The following CCDC110 variants were observed in gnomAD, a reference collection of about 807,000 sequenced individuals.
CCDC110 encodes the protein coiled-coil domain-containing protein 110.
A neutral mutation model predicts 77.1 loss-of-function variants in CCDC110; 70 were observed. The observed-to-expected ratio is 0.91, with a 90% CI of 0.75 to 1.11. The LOEUF is 1.11. Among genes scored for constraint, CCDC110 ranks in the 50% least tolerant of loss-of-function variants. CCDC110 has a pLI of 0.00. For synonymous variants in CCDC110, 295 were observed against 312.5 expected, an observed-to-expected ratio of 0.94 and a Z score of 0.59; for missense variants, 868 against 942.9, an observed-to-expected ratio of 0.92 and a Z score of 1.04.
chr4:185,457,914 C>T, intron 6 of CCDC110: 1 of 694,840 alleles, frequency 1.4e-6, no homozygotes, highest in Non-Finnish European at 2.2e-6. Context: ...TTGGTTTGTA[C>T]ACATACAATG....
chr4:185,470,162 G>A (rs915745231), intron 2 of CCDC110, among the ~76,000 whole-genome samples: 5 of 152,112 alleles, frequency 3.3e-5, no homozygotes, highest in African/African-American at 9.7e-5. Flanking sequence ...ATAATATCCT[G>A]TAGTCCGTAA....
At position 185,460,226 on chromosome 4, in the gene CCDC110, G is replaced by A. The variant is rs766780435; in HGVS notation, c.361C>T (p.Gln121Ter). 5 of 1,601,314 alleles carry A rather than the reference G, an allele frequency of 3.1e-6. No individual in the cohort carries two copies. The highest frequency in any genetic ancestry group is 4.2e-6 in the Non-Finnish European group (5 of 1,177,756). ...RIEKDLPTEN[Q>*]EENLSMEKSH... ...TTCTCCATAGAAAGGTTTTCTTCTTGATTCTCTGTAGGCTGTAACAATAAG... is the reference window on the plus strand; with the variant it reads ...TTCTCCATAGAAAGGTTTTCTTCTTAATTCTCTGTAGGCTGTAACAATAAG... Residue 121 changes from glutamine to a stop codon, truncating the protein, a stop_gained, in exon 6 of 7, where the codon CAA becomes TAA. Coordinates refer to ENST00000307588, the MANE Select transcript of CCDC110 (RefSeq NM_152775.4). LOFTEE classifies it high-confidence loss of function.
chr4:185,467,016 CT>C (rs939211815), intron 2 of CCDC110, among the ~76,000 whole-genome samples: 1 of 152,166 alleles, frequency 6.6e-6, no homozygotes, highest in Non-Finnish European at 1.5e-5. Context: ...AGTGCTTCTA[CT>C]TTTTTCATAT....
intron 5 of CCDC110, chr4:185,460,826 A>G (rs1361672829): frequency 2.2e-6 from 1 of 463,058 alleles, no homozygotes; most frequent in Non-Finnish European, 4.1e-6. Context: ...GATCTGGACT[A>G]AGTCAAATGT....
rs777658063 is a variant in CCDC110 at position 185,471,699 on chromosome 4, C to T, written c.-16G>A. The T allele has an allele frequency of 6.5e-7, 1 of 1,542,186 alleles. No homozygotes were observed. The highest frequency in any genetic ancestry group is 1.9e-5 in the Admixed American group (1 of 52,068). ...CCGGGCTCATCGCCGCGGCTCATCT[C>T]TCTCGCAACCGCCGCCGCACGCACC... On this transcript the variant is annotated 5_prime_UTR_variant, in exon 1 of 7. Coordinates refer to ENST00000307588, the MANE Select transcript of CCDC110 (RefSeq NM_152775.4).
In CCDC110 at chr4:185,460,165, G is replaced by A. The variant is rs776783801; in HGVS notation, c.422C>T (p.Ser141Leu). The change falls in exon 6 of 7, where the codon TCA becomes TTA. Residue 141 changes from serine (S) to leucine (L), a missense_variant. Transcript: ENST00000307588. ...ATCACCACTTAATTTTTCTTCCACT[G>A]AATGAAGTGTCTTGGAATCCTCAAA... ...HHFEDSKTLH[S>L]VEEKLSGDSV... The A allele has an allele frequency of 1.2e-6, 2 of 1,612,362 alleles. No individual in the cohort carries two copies. The highest frequency in any genetic ancestry group is 1.7e-6 in the Non-Finnish European group (2 of 1,179,816).
At position 185,458,350 on chromosome 4, in the gene CCDC110, A is replaced by G. The variant is rs1361658767; in HGVS notation, c.2237T>C (p.Leu746Ser). 1.9e-6 allele frequency: 3 copies of G among 1,586,598 alleles called. No homozygotes were observed. The highest frequency in any genetic ancestry group is 1.9e-5 in the Admixed American group (1 of 52,550). ...ISRLTEDKIL[L>S]ENYVRSIENE... Reference sequence around the variant, plus strand: ...TTCTATGCTTCTTACGTAATTTTCTAAAAGTATTTTGTCTTCAGTAAGTCT... The same window carrying G: ...TTCTATGCTTCTTACGTAATTTTCTGAAAGTATTTTGTCTTCAGTAAGTCT... Residue 746 changes from leucine (L) to serine (S), a missense_variant, in exon 6 of 7, where the codon TTA becomes TCA. Transcript: ENST00000307588.
intron 6 of CCDC110, among the ~76,000 whole-genome samples, chr4:185,457,505 CCTT>C (rs1412742085): frequency 6.6e-6 from 1 of 152,196 alleles, no homozygotes; most frequent in Admixed American, 6.5e-5. Flanking sequence ...AACAAACTCT[CCTT>C]AATCTCTCGC....
chr4:185,466,826 T>C (rs1244479553), intron 2 of CCDC110, among the ~76,000 whole-genome samples: 1 of 151,966 alleles, frequency 6.6e-6, no homozygotes, highest in Admixed American at 6.6e-5. Flanking sequence ...AGAAAAGCAA[T>C]AATTCCGGAC....
At chr4:185,460,988 C>T (rs759914534) in intron 5 of CCDC110, 61 bp downstream of exon 5, 7 of 304,550 alleles carry the variant, frequency 2.3e-5, no homozygotes, top group Non-Finnish European at 4.6e-5. Flanking sequence ...GTGAAATGAA[C>T]TGATGGTAGT....
chr4:185,445,675 A>G, intron 6 of CCDC110, 133 bp from the exon 7 acceptor site: 1 of 570,214 alleles, frequency 1.8e-6, no homozygotes, highest in Non-Finnish European at 3.0e-6. Context: ...AAACTGAAAA[A>G]GTTCTTTGGA....
intron 3 of CCDC110, 64 bp from the exon 4 acceptor site, chr4:185,462,772 T>TA (rs2095648747): frequency 1.0e-5 from 14 of 1,374,866 alleles, no homozygotes; most frequent in Non-Finnish European, 1.5e-5. Context: ...CTTGAATTGT[T>TA]ATGATTTTAT....
chr4:185,458,179 G>GTA lies in CCDC110; in HGVS notation c.2406_2407dup (p.Thr803IlefsTer18). The GTA allele has an allele frequency of 6.2e-7, 1 of 1,603,694 alleles. No individual in the cohort carries two copies. Among genetic ancestry groups the GTA allele is most frequent in the Non-Finnish European group, 8.5e-7 (1 of 1,177,148 alleles). On this transcript the variant is annotated frameshift_variant, in exon 6 of 7. Transcript: ENST00000307588. LOFTEE classifies it high-confidence loss of function. Reference sequence around the variant, plus strand: ...CTGAGGACTAGAAGTATCTTCGTGAGTATAGTTGTCAAAATGGAATTTCTC... The same window carrying GTA: ...CTGAGGACTAGAAGTATCTTCGTGAGTATATAGTTGTCAAAATGGAATTTCTC...
Sources: gnomAD v4.1 joint callset for allele counts (sites outside exome capture counted in the v4.1 genomes callset) on GRCh38, gnomAD v4.1.1 for gene constraint, MANE v1.5 for transcripts, NCBI Gene and HGNC (gene_info 2026-07-23, HGNC 2026-07-21) for gene names.